The following SRBD1 variants were observed in gnomAD, a reference collection of about 807,000 sequenced individuals.
SRBD1 encodes the protein S1 RNA binding domain 1, also known as S1 RNA-binding domain-containing protein 1.
SRBD1 carries 88 observed loss-of-function variants against 115.3 expected under a neutral mutation model. That is an observed-to-expected ratio of 0.76 (90% CI 0.64 to 0.91). The LOEUF is 0.91. Ranked by LOEUF, SRBD1 falls within the 40% of genes least tolerant of loss-of-function variation. The pLI is 0.00. For synonymous variants in SRBD1, 509 were observed against 407.7 expected, an observed-to-expected ratio of 1.25 and a Z score of -2.99; for missense variants, 1,385 against 1,177.4, an observed-to-expected ratio of 1.18 and a Z score of -2.58.
At chr2:45,554,568 T>C (rs1263044766) in intron 10 of SRBD1, among the ~76,000 whole-genome samples, 1 of 152,172 alleles carries the variant, frequency 6.6e-6, no homozygotes, top group Non-Finnish European at 1.5e-5. Flanking sequence ...GCATATGTAA[T>C]GAGGACTATA....
intron 15 of SRBD1, among the ~76,000 whole-genome samples, chr2:45,482,648 A>C (rs2103837017): frequency 6.7e-6 from 1 of 148,898 alleles, no homozygotes; most frequent in African/African-American, 2.5e-5. Context: ...ACACACACAA[A>C]CCCATGAATA....
intron 14 of SRBD1, among the ~76,000 whole-genome samples, chr2:45,504,617 A>G (rs115933496): frequency 2.1e-4 from 32 of 152,172 alleles, no homozygotes; most frequent in African/African-American, 7.0e-4. Flanking sequence ...TTTTTCACCA[A>G]TTTCCTTCCT....
Position 45,547,624 on chromosome 2 carries a change from G to A in SRBD1, c.1676-12C>T. The A allele has an allele frequency of 6.3e-7, 1 of 1,599,572 alleles. No homozygotes were observed. The highest frequency in any genetic ancestry group is 1.1e-5 in the South Asian group (1 of 88,450). On this transcript the variant is annotated splice_polypyrimidine_tract_variant and intron_variant, in intron 12 of 20. Transcript: ENST00000263736. Reference sequence around the variant, plus strand: ...ATGAAGTATCTGACCTTTAAAAAATGAAAAGAATAAGCCATTTTATAAGAA... The same window carrying A: ...ATGAAGTATCTGACCTTTAAAAAATAAAAAGAATAAGCCATTTTATAAGAA...
At chr2:45,516,740 A>T (rs888292050) in intron 14 of SRBD1, among the ~76,000 whole-genome samples, 2 of 152,204 alleles carry the variant, frequency 1.3e-5, no homozygotes, top group South Asian at 2.1e-4. Context: ...ATTGCTTTTT[A>T]AAAAAAGCTA....
At chr2:45,568,340 T>C (rs1572787660) in intron 9 of SRBD1, among the ~76,000 whole-genome samples, 1 of 152,216 alleles carries the variant, frequency 6.6e-6, no homozygotes, top group African/African-American at 2.4e-5. Flanking sequence ...TTTCATCATT[T>C]GCATTCATTT....
At chr2:45,484,860 C>T (rs1424471757) in intron 15 of SRBD1, among the ~76,000 whole-genome samples, 2 of 152,132 alleles carry the variant, frequency 1.3e-5, no homozygotes, top group African/African-American at 4.8e-5. Flanking sequence ...GGATTGGCTT[C>T]TTTTACTTAT....
At chr2:45,540,071 GGT>G (rs1213155066) in intron 14 of SRBD1, among the ~76,000 whole-genome samples, 2 of 152,170 alleles carry the variant, frequency 1.3e-5, no homozygotes, top group Non-Finnish European at 2.9e-5. Flanking sequence ...GGCCAGGCAT[GGT>G]GGCTCACGCC....
At chr2:45,416,094 G>C (rs1007706300) in intron 18 of SRBD1, among the ~76,000 whole-genome samples, 2 of 152,034 alleles carry the variant, frequency 1.3e-5, no homozygotes, top group African/African-American at 4.8e-5. Flanking sequence ...AAAAGGAAAA[G>C]AAGAATCAGA....
At chr2:45,402,803 A>G (rs1667325732) in intron 19 of SRBD1, among the ~76,000 whole-genome samples, 1 of 152,150 alleles carries the variant, frequency 6.6e-6, no homozygotes, top group Non-Finnish European at 1.5e-5. Flanking sequence ...GGCACATACA[A>G]ATCAGCATCA....
chr2:45,574,094 A>G (rs1490010166), intron 8 of SRBD1, among the ~76,000 whole-genome samples: 1 of 152,180 alleles, frequency 6.6e-6, no homozygotes, highest in Non-Finnish European at 1.5e-5. Flanking sequence ...AGAAGGCTCT[A>G]GGTCAAAGAT....
chr2:45,568,648 C>T (rs1379557615), intron 9 of SRBD1, among the ~76,000 whole-genome samples: 2 of 152,168 alleles, frequency 1.3e-5, no homozygotes, highest in African/African-American at 4.8e-5. Flanking sequence ...ACATTTGCTA[C>T]ACACACTAGT....
chr2:45,582,435 T>A (rs535876121), intron 5 of SRBD1, among the ~76,000 whole-genome samples: 1 of 152,344 alleles, frequency 6.6e-6, no homozygotes, highest in East Asian at 1.9e-4. Context: ...TAAGGTAGTA[T>A]CTGTGGGTTT....
chr2:45,533,473 T>C (rs1260544673), intron 14 of SRBD1, among the ~76,000 whole-genome samples: 1 of 152,064 alleles, frequency 6.6e-6, no homozygotes, highest in Non-Finnish European at 1.5e-5. Flanking sequence ...TTACAAGCAT[T>C]AAAGTCTCAG....
chr2:45,568,576 C>T (rs539737245), intron 9 of SRBD1, among the ~76,000 whole-genome samples: 3 of 152,276 alleles, frequency 2.0e-5, no homozygotes, highest in Admixed American at 2.0e-4. Context: ...GGCCTGAATA[C>T]TGTCACACCC....
At chr2:45,554,301 T>A (rs992145684) in intron 10 of SRBD1, among the ~76,000 whole-genome samples, 2 of 152,222 alleles carry the variant, frequency 1.3e-5, no homozygotes, top group Admixed American at 6.5e-5. Flanking sequence ...TCAGCTGGCA[T>A]TTTGATCTTG....
intron 14 of SRBD1, among the ~76,000 whole-genome samples, chr2:45,525,400 G>A (rs574234179): frequency 3.2e-4 from 48 of 151,952 alleles, no homozygotes; most frequent in African/African-American, 9.9e-4. Context: ...CTTGGATAAG[G>A]GACTTGTATC....
At chr2:45,521,832 G>C (rs1213279835) in intron 14 of SRBD1, among the ~76,000 whole-genome samples, 1 of 151,974 alleles carries the variant, frequency 6.6e-6, no homozygotes, top group African/African-American at 2.4e-5. Context: ...GCCAGGCATG[G>C]TGGCACGTGC....
At chr2:45,442,087 T>C (rs1668686213) in intron 16 of SRBD1, among the ~76,000 whole-genome samples, 1 of 152,188 alleles carries the variant, frequency 6.6e-6, no homozygotes, top group South Asian at 2.1e-4. Flanking sequence ...GTACAGCATC[T>C]TGTCATACAA....
intron 14 of SRBD1, among the ~76,000 whole-genome samples, chr2:45,505,057 G>A (rs901082508): frequency 1.3e-5 from 2 of 151,422 alleles, no homozygotes; most frequent in Non-Finnish European, 1.5e-5. Context: ...AAACACAACC[G>A]AGTCTTCTAC....
Sources: allele counts gnomAD v4.1 joint callset (sites outside exome capture counted in the v4.1 genomes callset), GRCh38; gene constraint gnomAD v4.1.1; transcripts MANE v1.5; gene names NCBI Gene and HGNC (gene_info 2026-07-23, HGNC 2026-07-21).